Variants in ANK3 observed in about 807,000 individuals in gnomAD.
The protein encoded by ANK3 is ankyrin 3.
In ANK3, 57 loss-of-function variants were observed where a neutral mutation model predicts 370.9. The ratio of observed to expected loss-of-function variants is 0.15; its 90% confidence interval spans 0.12 to 0.19. The LOEUF (loss-of-function observed/expected upper bound fraction) is 0.19. Ranked by LOEUF, ANK3 falls within the 10% of genes least tolerant of loss-of-function variation. The probability of loss-of-function intolerance (pLI) is 1.00; values close to 1 mark genes in which losing one functional copy is unlikely to be tolerated. For synonymous variants in ANK3, 1,929 were observed against 1,946.3 expected (o/e 0.99, Z 0.23); for missense variants, 4,439 against 5,302.1 (o/e 0.84, Z 5.06).
At chr10:60,559,107 C>T (rs879766172) in intron 2 of ANK3, among the ~76,000 whole-genome samples, 2 of 152,112 alleles carry the variant, frequency 1.3e-5, no homozygotes, top group South Asian at 2.1e-4. Context: ...TTACTATATG[C>T]TCCATGCCTT....
At chr10:60,090,351 G>C (rs1175217059) in intron 28 of ANK3, among the ~76,000 whole-genome samples, 1 of 151,950 alleles carries the variant, frequency 6.6e-6, no homozygotes, top group Non-Finnish European at 1.5e-5. Flanking sequence ...AAAAAATTCA[G>C]GAAAATATGG....
intron 2 of ANK3, among the ~76,000 whole-genome samples, chr10:60,491,988 C>CA (rs111595224): frequency 0.13 from 19,824 of 152,166 alleles, 1,512 homozygotes; most frequent in African/African-American, 0.21. Context: ...TGACAAACCT[C>CA]ATATACAACT....
chr10:60,199,868 A>G (rs925793549), intron 13 of ANK3, among the ~76,000 whole-genome samples: 13 of 152,154 alleles, frequency 8.5e-5, no homozygotes, highest in African/African-American at 3.1e-4. Context: ...TCAGTCCCCA[A>G]TCTGTTAGGG....
At chr10:60,105,416 T>C (rs934390385) in intron 28 of ANK3, among the ~76,000 whole-genome samples, 5 of 152,066 alleles carry the variant, frequency 3.3e-5, no homozygotes, top group Non-Finnish European at 7.4e-5. Flanking sequence ...CAGACCCCAA[T>C]AATTACCCTG....
Position 60,240,299 on chromosome 10 carries a change from TATA to T in ANK3, c.799-5516_799-5514del, listed in dbSNP as rs1336850022. Among the ~76,000 whole-genome samples the T allele has an allele frequency of 1.3e-3, 129 of 101,818 alleles. 4 individuals carry two copies. Among genetic ancestry groups the T allele is most frequent in the African/African-American group, 4.2e-3 (125 of 29,612 alleles). 66.8% of individuals were successfully genotyped at this position (101,818 alleles called of 152,430 possible). On this transcript the variant is annotated intron_variant, in intron 7 of 43. Coordinates refer to ENST00000280772, the MANE Select transcript of ANK3 (RefSeq NM_020987.5). ...ACACACACATATATATATATATATA[TATA>T]TATATTTTTTTTTCTTTTTGAGATA... is the stretch of plus-strand genomic sequence containing the variant.
chr10:60,207,880 G>A (rs1350000262), intron 10 of ANK3, among the ~76,000 whole-genome samples, 156 bp downstream of exon 10: 2 of 152,246 alleles, frequency 1.3e-5, no homozygotes, highest in Non-Finnish European at 2.9e-5. Context: ...AGAAAATTTT[G>A]TAGACTTTCC....
intron 22 of ANK3, 71 bp from the exon 23 acceptor site, chr10:60,166,724 A>G: frequency 6.3e-7 from 1 of 1,587,616 alleles, no homozygotes; most frequent in Admixed American, 1.7e-5. Flanking sequence ...AAAACGTTTC[A>G]ATATTCCTGA....
At chr10:60,246,811 A>T (rs2097563019) in intron 7 of ANK3, among the ~76,000 whole-genome samples, 1 of 152,204 alleles carries the variant, frequency 6.6e-6, no homozygotes, top group Non-Finnish European at 1.5e-5. Flanking sequence ...CAAGTGAGTT[A>T]GGGGGAAAGC....
At chr10:60,427,527 T>TA (rs113958727) in intron 2 of ANK3, among the ~76,000 whole-genome samples, 3,111 of 141,894 alleles carry the variant, frequency 0.022, 48 homozygotes, top group African/African-American at 0.052. Context: ...TTTCGGGCCC[T>TA]AAAAAAAAAA....
At chr10:60,618,865 A>G (rs1278172180) in intron 1 of ANK3, among the ~76,000 whole-genome samples, 1 of 152,164 alleles carries the variant, frequency 6.6e-6, no homozygotes, top group East Asian at 1.9e-4. Flanking sequence ...CTGACCCTAA[A>G]TAAATACATG....
chr10:60,116,574 G>C (rs747151186), intron 25 of ANK3, among the ~76,000 whole-genome samples: 4 of 143,350 alleles, frequency 2.8e-5, no homozygotes, highest in Non-Finnish European at 4.5e-5. Flanking sequence ...TTACACCTAT[G>C]AAACAATAGA....
chr10:60,519,192 T>A (rs1317379993), intron 2 of ANK3, among the ~76,000 whole-genome samples: 2 of 152,036 alleles, frequency 1.3e-5, no homozygotes, highest in Non-Finnish European at 2.9e-5. Context: ...GGGTGAGACA[T>A]TAAAGAATGA....
At chr10:60,191,532 C>T (rs1254055482) in intron 16 of ANK3, among the ~76,000 whole-genome samples, 1 of 152,124 alleles carries the variant, frequency 6.6e-6, no homozygotes, top group Non-Finnish European at 1.5e-5. Flanking sequence ...AATTAGATAC[C>T]ATCTCACACC....
chr10:60,402,840 T>C (rs1036575462), intron 2 of ANK3, among the ~76,000 whole-genome samples: 1 of 152,196 alleles, frequency 6.6e-6, no homozygotes, highest in African/African-American at 2.4e-5. Context: ...TGTGGGAACC[T>C]GCCTGAACCA....
At chr10:60,374,418 A>T (rs78638255) in intron 1 of ANK3, among the ~76,000 whole-genome samples, 15,857 of 152,188 alleles carry the variant, frequency 0.1, 891 homozygotes, top group South Asian at 0.13. Flanking sequence ...AGGGTGAGGC[A>T]GGAGATGAGC....
intron 7 of ANK3, among the ~76,000 whole-genome samples, chr10:60,255,529 A>C (rs1304211255): frequency 6.6e-6 from 1 of 151,748 alleles, no homozygotes. Context: ...GGACAATAGC[A>C]GATAAATAAA....
In ANK3 at chr10:60,461,579, G is replaced by A. The variant is rs192113737; in HGVS notation, c.96+153607C>T. Among the ~76,000 whole-genome samples the A allele has an allele frequency of 3.6e-3, 548 of 152,168 alleles. 2 individuals carry two copies. Among genetic ancestry groups the A allele is most frequent in the African/African-American group, 0.013 (525 of 41,506 alleles). On this transcript the variant is annotated intron_variant, in intron 2 of 43. Coordinates refer to the ANK3 transcript ENST00000373827. ...CATAAGACATACTTTGTCTGACTTCGTCTAGGTGTATGCCCTGACTTCAAC... is the reference window on the plus strand; with the variant it reads ...CATAAGACATACTTTGTCTGACTTCATCTAGGTGTATGCCCTGACTTCAAC...
intron 1 of ANK3, among the ~76,000 whole-genome samples, chr10:60,331,861 T>C (rs959027061): frequency 1.3e-5 from 2 of 152,166 alleles, no homozygotes; most frequent in African/African-American, 2.4e-5. Flanking sequence ...CATTCAGAAA[T>C]GAATATTAAA....
At chr10:60,114,070 A>T (rs550381375) in intron 26 of ANK3, among the ~76,000 whole-genome samples, 155 bp downstream of exon 26, 8 of 152,218 alleles carry the variant, frequency 5.3e-5, no homozygotes, top group Non-Finnish European at 1.2e-4. Flanking sequence ...AAAAACAATG[A>T]TTTACAAATA....
Sources: allele counts gnomAD v4.1 joint callset (sites outside exome capture counted in the v4.1 genomes callset), GRCh38; gene constraint gnomAD v4.1.1; transcripts MANE v1.5; gene names NCBI Gene and HGNC (gene_info 2026-07-23, HGNC 2026-07-21).